Variants in LRP4 observed in about 807,000 individuals in gnomAD.
LRP4 encodes the protein LDL receptor related protein 4.
LRP4 carries 95 observed loss-of-function variants against 220.3 expected under a neutral mutation model. The ratio of observed to expected loss-of-function variants is 0.43; its 90% CI spans 0.37 to 0.51. LRP4 has a LOEUF of 0.51. Ranked by LOEUF, LRP4 falls within the 20% of genes least tolerant of loss-of-function variation. LRP4 has a pLI of 0.00. For missense variants in LRP4, 1,925 were observed against 2,567.0 expected, an observed-to-expected ratio of 0.75 and a Z score of 5.40; for synonymous variants, 903 against 954.6, an observed-to-expected ratio of 0.95 and a Z score of 1.00.
rs764623614 is a variant in LRP4 at position 46,879,192 on chromosome 11, C to T, written c.2938G>A (p.Glu980Lys). ...SADRLTGLDR[E>K]TLQENLENLM... ...TTTTCCAGGTTCTCCTGCAGAGTCT[C>T]CCGGTCCAGCCCTGTCAGCCGGTCA... Residue 980 changes from glutamate to lysine, a missense_variant, in exon 21 of 38, where the codon GAG (glutamate) becomes AAG (lysine). Coordinates refer to ENST00000378623, the MANE Select transcript of LRP4 (RefSeq NM_002334.4). 13 of 1,614,130 alleles carry T rather than the reference C, an allele frequency of 8.1e-6. No homozygotes were observed. Among genetic ancestry groups the T allele is most frequent in the Non-Finnish European group, 1.1e-5 (13 of 1,180,054 alleles).
At chr11:46,905,704 G>A (rs560240443) in intron 1 of LRP4, among the ~76,000 whole-genome samples, 67 of 151,956 alleles carry the variant, frequency 4.4e-4, no homozygotes, top group African/African-American at 1.5e-3. Flanking sequence ...ATACAAAAAT[G>A]AGCCGGGTAT....
At chr11:46,908,581 C>G (rs1211341736) in intron 1 of LRP4, among the ~76,000 whole-genome samples, 1 of 152,138 alleles carries the variant, frequency 6.6e-6, no homozygotes, top group African/African-American at 2.4e-5. Flanking sequence ...TCTCCAAAAC[C>G]CCAAGGTCAA....
rs972275354 is a variant in LRP4, at chr11:46,890,320, C to T, written c.1872G>A (p.Arg624=). Residue 624 remains arginine, a synonymous_variant, in exon 14 of 38, where the codon AGG becomes AGA. Coordinates refer to ENST00000378623, the MANE Select transcript of LRP4 (RefSeq NM_002334.4). This position sits in a 1 kb window ranked among gnomAD's most constrained non-coding sequence, Gnocchi z 5.3. ...WVDAKHHVIE[R]ANLDGSHRKA... ...TACGGTGACTCCCATCCAGATTGGCCCTCTCGATGACATGGTGCTTAGCAT... is the reference window on the plus strand; with the variant it reads ...TACGGTGACTCCCATCCAGATTGGCTCTCTCGATGACATGGTGCTTAGCAT... The T allele has an allele frequency of 1.9e-6, 3 of 1,614,126 alleles. No individual in the cohort carries two copies. Among genetic ancestry groups the T allele is most frequent in the Non-Finnish European group, 2.5e-6 (3 of 1,180,024 alleles).
In LRP4 at chr11:46,858,490, T is replaced by G. The variant is rs1032687984; in HGVS notation, c.*493A>C. 3.2e-5 allele frequency: 7 copies of G among 215,636 alleles called. No individual in the cohort carries two copies. The highest frequency in any genetic ancestry group is 1.6e-4 in the African/African-American group (7 of 44,494). The allele number at this position is 215,636 out of a possible 1,614,324, so 13.4% of individuals were successfully genotyped here. The stretch of plus-strand genomic sequence containing the variant: ...CAGATGCCCATACCTGCTGGGCTGA[T>G]TCTTCCTTCTTCTCTCAGCCTCTAT... On this transcript the variant is annotated 3_prime_UTR_variant, in exon 38 of 38. Coordinates refer to ENST00000378623, the MANE Select transcript of LRP4 (RefSeq NM_002334.4).
intron 13 of LRP4, among the ~76,000 whole-genome samples, chr11:46,891,763 G>A (rs1263918213): frequency 1.3e-5 from 2 of 151,936 alleles, no homozygotes; most frequent in Non-Finnish European, 2.9e-5. Context: ...CTACAGGCAT[G>A]CATCAATAAG....
intron 25 of LRP4, 99 bp downstream of exon 25, chr11:46,876,367 T>C: frequency 7.0e-7 from 1 of 1,432,204 alleles, no homozygotes; most frequent in South Asian, 1.1e-5. Flanking sequence ...ACCTTGTTTC[T>C]GTGATGCAAG....
intron 8 of LRP4, 115 bp from the exon 9 acceptor site, chr11:46,896,450 G>A: frequency 1.5e-6 from 2 of 1,334,074 alleles, no homozygotes; most frequent in Non-Finnish European, 2.1e-6. Flanking sequence ...GTGGGAGGGT[G>A]AGGGTCCTGG....
At chr11:46,896,417 G>A in intron 8 of LRP4, 82 bp from the exon 9 acceptor site, 1 of 1,564,798 alleles carries the variant, frequency 6.4e-7, no homozygotes. Flanking sequence ...TCTAGGGTAA[G>A]CTGGAGACAG....
chr11:46,914,485 A>G (rs780560718), intron 1 of LRP4, among the ~76,000 whole-genome samples: 23 of 152,228 alleles, frequency 1.5e-4, no homozygotes, highest in Non-Finnish European at 3.2e-4. Flanking sequence ...CCATGCAGTC[A>G]TCAGAACTAT....
chr11:46,882,372 G>C lies in LRP4; in HGVS notation c.2613-469C>G, dbSNP rs183035707. ...CACATCTGTGGTCCCAGCTACTTGAGAGGCTGAGATAGGAGGATCATTTGA... is the reference window on the plus strand; with the variant it reads ...CACATCTGTGGTCCCAGCTACTTGACAGGCTGAGATAGGAGGATCATTTGA... On this transcript the variant is annotated intron_variant, in intron 19 of 37. Transcript: ENST00000378623. 2.0e-3 allele frequency among the ~76,000 whole-genome samples: 311 copies of C among 152,056 alleles called. 2 individuals are homozygous for C. The highest frequency in any genetic ancestry group is 5.2e-3 in the African/African-American group (216 of 41,482).
chr11:46,905,981 C>G (rs7123634), intron 1 of LRP4, among the ~76,000 whole-genome samples: 149,464 of 152,252 alleles, frequency 0.98, 73,385 homozygotes, highest in East Asian at 1. Context: ...ATGTACCAGA[C>G]GGGAGTTCAG....
intron 34 of LRP4, among the ~76,000 whole-genome samples, chr11:46,866,025 A>G (rs1422941297): frequency 6.6e-6 from 1 of 152,106 alleles, no homozygotes; most frequent in Non-Finnish European, 1.5e-5. Flanking sequence ...TTGAGTCTAA[A>G]GTTTTTATTT....
rs1235930362 is a variant in LRP4 at position 46,873,768 on chromosome 11, T to C, written c.4230-175A>G. ...GCATGATAGATGTTCAATAAAATAA[T>C]TGCAGAATGAAGGAACCAGTTCTTA... On this transcript the variant is annotated intron_variant, in intron 28 of 37. Coordinates refer to ENST00000378623, the MANE Select transcript of LRP4 (RefSeq NM_002334.4). This position sits in a 1 kb window ranked among gnomAD's most constrained non-coding sequence, Gnocchi z 4.2. 5.1e-6 allele frequency: 3 copies of C among 588,002 alleles called. No homozygotes were observed. Among genetic ancestry groups the C allele is most frequent in the Admixed American group, 6.0e-5 (2 of 33,410 alleles). 36.4% of individuals were successfully genotyped at this position (588,002 alleles called of 1,614,324 possible). A position where few individuals can be genotyped will look rare whatever the true frequency, so the allele number is the denominator to read the frequency against.
At chr11:46,862,953 T>C (rs1940597630) in intron 36 of LRP4, 1 of 597,052 alleles carries the variant, frequency 1.7e-6, no homozygotes, top group Admixed American at 2.7e-5. Flanking sequence ...GCAAATGTGA[T>C]GGCTACTAGA....
chr11:46,859,974 C>T (rs2134752836), intron 37 of LRP4, among the ~76,000 whole-genome samples: 1 of 152,204 alleles, frequency 6.6e-6, no homozygotes, highest in African/African-American at 2.4e-5. Context: ...GTGGCTTACA[C>T]CTGTAATCCC....
intron 16 of LRP4, among the ~76,000 whole-genome samples, chr11:46,887,740 A>G (rs1941329108): frequency 6.6e-6 from 1 of 152,066 alleles, no homozygotes; most frequent in Admixed American, 6.5e-5. Flanking sequence ...CCAAAGCAGA[A>G]GAATCGCTTG....
chr11:46,858,918 G>C lies in LRP4; in HGVS notation c.*65C>G. The C allele has an allele frequency of 6.7e-7, 1 of 1,482,708 alleles. No homozygotes were observed. Among genetic ancestry groups the C allele is most frequent in the South Asian group, 1.1e-5 (1 of 88,066 alleles). The allele number at this position is 1,482,708 out of a possible 1,614,324, so 91.8% of individuals were successfully genotyped here. ...CAGAAGCGGGGCCTGCGGTGTAAGC[G>C]AGCACAAGGACTAGACGTCCATAAA... On this transcript the variant is annotated 3_prime_UTR_variant, in exon 38 of 38. Coordinates refer to ENST00000378623, the MANE Select transcript of LRP4 (RefSeq NM_002334.4).
rs1172954332 is a variant in LRP4 at position 46,858,080 on chromosome 11, T to C, written c.*903A>G. On this transcript the variant is annotated 3_prime_UTR_variant, in exon 38 of 38. Transcript: ENST00000378623. ...AGAGGGGTCAGGAGGTATACCATAT[T>C]TGGTCTAGGCAGAGCTTCTTAGACT... 6.6e-6 allele frequency: 1 copy of C among 152,212 alleles called. No homozygotes were observed. Among genetic ancestry groups the C allele is most frequent in the African/African-American group, 2.4e-5 (1 of 41,430 alleles). 9.4% of individuals were successfully genotyped at this position (152,212 alleles called of 1,614,324 possible). A position where few individuals can be genotyped will look rare whatever the true frequency, so the allele number is the denominator to read the frequency against.
In LRP4 at chr11:46,869,038, T is replaced by C; in HGVS notation, c.4787A>G (p.Asn1596Ser). 18 of 1,614,188 alleles carry C rather than the reference T, an allele frequency of 1.1e-5. No individual in the cohort carries two copies. The highest frequency in any genetic ancestry group is 1.5e-5 in the Non-Finnish European group (18 of 1,180,032). The change falls in exon 32 of 38, where the codon AAT becomes AGT. Residue 1596 changes from asparagine to serine, a missense_variant. By Grantham distance (46) the Asn-to-Ser change is conservative. Around this residue, in one of 3 missense-constraint regions of LRP4, gnomAD observed 1,244 missense variants for 1,624.9 expected, o/e 0.77. Transcript: ENST00000378623. The stretch of plus-strand genomic sequence containing the variant: ...GATGATATCCATGAGTCCTTCCACA[T>C]TTGCCAGCACTGTCTCCTTGTTCCG... ...SGRNKETVLA[N>S]VEGLMDIIVV...
Sources: allele counts gnomAD v4.1 joint callset (sites outside exome capture counted in the v4.1 genomes callset), GRCh38; gene constraint gnomAD v4.1.1; regional missense constraint gnomAD v4.1.1; non-coding constraint Gnocchi (gnomAD v3.1); transcripts MANE v1.5; gene names NCBI Gene and HGNC (gene_info 2026-07-23, HGNC 2026-07-21).